Variants in GHR observed in about 807,000 individuals in gnomAD.
GHR encodes the protein growth hormone receptor.
A neutral mutation model predicts 67.1 loss-of-function variants in GHR; 35 were observed. That is an observed-to-expected ratio of 0.52 (90% CI 0.40 to 0.69). The LOEUF (loss-of-function observed/expected upper bound fraction) is 0.69. GHR is among the 30% of genes least tolerant of loss of function. GHR has a pLI of 0.00. For missense variants in GHR, 792 were observed against 764.6 expected (o/e 1.04, Z -0.42); for synonymous variants, 272 against 269.1 (o/e 1.01, Z -0.10).
At chr5:42,611,383 ATT>A (rs1561166666) in intron 2 of GHR, among the ~76,000 whole-genome samples, 2 of 152,146 alleles carry the variant, frequency 1.3e-5, no homozygotes, top group Non-Finnish European at 2.9e-5. Flanking sequence ...TTTATCCTGT[ATT>A]TCAATTCATT....
chr5:42,616,504 G>A (rs111860428), intron 2 of GHR, among the ~76,000 whole-genome samples: 5 of 152,126 alleles, frequency 3.3e-5, no homozygotes, highest in Middle Eastern at 3.4e-3. Flanking sequence ...GACATTGCTC[G>A]AGAGTTCTGT....
chr5:42,523,303 G>T (rs1747556197), intron 1 of GHR, among the ~76,000 whole-genome samples: 1 of 152,088 alleles, frequency 6.6e-6, no homozygotes, highest in African/African-American at 2.4e-5. Flanking sequence ...ATTGTGATTT[G>T]CTTTATTGTG....
intron 1 of GHR, among the ~76,000 whole-genome samples, chr5:42,428,616 T>C (rs1375044094): frequency 2.6e-5 from 4 of 152,220 alleles, no homozygotes; most frequent in Middle Eastern, 3.2e-3. Context: ...AATGCTTTGC[T>C]GCTTCTAAAT....
chr5:42,485,501 G>A (rs1445451911), intron 1 of GHR, among the ~76,000 whole-genome samples: 2 of 152,134 alleles, frequency 1.3e-5, no homozygotes, highest in African/African-American at 4.8e-5. Flanking sequence ...TTACAGATGA[G>A]AAAAATGAGC....
intron 1 of GHR, among the ~76,000 whole-genome samples, chr5:42,553,989 G>T (rs1476448226): frequency 6.6e-6 from 1 of 152,056 alleles, no homozygotes; most frequent in East Asian, 1.9e-4. Context: ...CTCTTCTTCT[G>T]CTCAGGTGGG....
intron 1 of GHR, among the ~76,000 whole-genome samples, chr5:42,534,390 ATATGTACATG>A (rs1332610838): frequency 2.1e-5 from 3 of 140,764 alleles, no homozygotes; most frequent in East Asian, 4.3e-4. Flanking sequence ...ATGTATGTAT[ATATGTACATG>A]TGTATATGTG....
chr5:42,509,925 A>G (rs1216737035), intron 1 of GHR, among the ~76,000 whole-genome samples: 1 of 152,170 alleles, frequency 6.6e-6, no homozygotes, highest in Non-Finnish European at 1.5e-5. Context: ...GCTTTAAACA[A>G]TGTCTGTACA....
intron 3 of GHR, among the ~76,000 whole-genome samples, chr5:42,634,302 T>C (rs1227703052): frequency 2.0e-5 from 3 of 152,196 alleles, no homozygotes; most frequent in Admixed American, 6.5e-5. Context: ...CCAATGTGTA[T>C]TAAATTGAAC....
At chr5:42,677,844 T>A (rs1396198064) in intron 3 of GHR, among the ~76,000 whole-genome samples, 2 of 152,210 alleles carry the variant, frequency 1.3e-5, no homozygotes, top group African/African-American at 4.8e-5. Flanking sequence ...GGATGTTTCA[T>A]CTAGTACCGA....
chr5:42,664,469 AC>A (rs1755841316), intron 3 of GHR, among the ~76,000 whole-genome samples: 1 of 152,206 alleles, frequency 6.6e-6, no homozygotes, highest in African/African-American at 2.4e-5. Flanking sequence ...TCTTTGACAA[AC>A]CTGAGAAAAA....
chr5:42,697,313 G>A (rs1757721004), intron 5 of GHR, among the ~76,000 whole-genome samples: 1 of 152,156 alleles, frequency 6.6e-6, no homozygotes, highest in Admixed American at 6.5e-5. Context: ...CTTCTCTCAG[G>A]CCAGTCAATG....
intron 3 of GHR, among the ~76,000 whole-genome samples, chr5:42,663,394 C>T (rs1312453884): frequency 2.6e-5 from 4 of 152,160 alleles, no homozygotes; most frequent in Non-Finnish European, 5.9e-5. Flanking sequence ...AGCTTATCCA[C>T]CATGATCAAG....
chr5:42,445,404 G>C (rs1743764881), intron 1 of GHR, among the ~76,000 whole-genome samples: 1 of 152,188 alleles, frequency 6.6e-6, no homozygotes, highest in South Asian at 2.1e-4. Context: ...CCACCATCAA[G>C]TCCTAAAGCA....
At chr5:42,480,880 C>T (rs1159571622) in intron 1 of GHR, among the ~76,000 whole-genome samples, 1 of 152,138 alleles carries the variant, frequency 6.6e-6, no homozygotes, top group Non-Finnish European at 1.5e-5. Context: ...GCATTTAGCC[C>T]ATTTACATTC....
intron 1 of GHR, among the ~76,000 whole-genome samples, chr5:42,523,837 G>T (rs1400215521): frequency 6.6e-6 from 1 of 152,088 alleles, no homozygotes; most frequent in African/African-American, 2.4e-5. Flanking sequence ...TCTTTCCCAT[G>T]CTATTCTCAT....
intron 3 of GHR, among the ~76,000 whole-genome samples, chr5:42,653,204 GACATGTTAA>G (rs1273321568): frequency 2.0e-5 from 3 of 152,120 alleles, no homozygotes; most frequent in Non-Finnish European, 4.4e-5. Flanking sequence ...TCCTGAATGA[GACATGTTAA>G]ACATTTATTA....
intron 3 of GHR, among the ~76,000 whole-genome samples, chr5:42,669,596 C>T (rs1054544604): frequency 3.9e-5 from 6 of 152,126 alleles, no homozygotes; most frequent in Non-Finnish European, 7.4e-5. Flanking sequence ...AGACACAAGG[C>T]TCTAGTGGTA....
chr5:42,614,301 AGG>A (rs1272830763), intron 2 of GHR, among the ~76,000 whole-genome samples: 7 of 152,062 alleles, frequency 4.6e-5, no homozygotes, highest in African/African-American at 1.4e-4. Flanking sequence ...GGTTTTTTTC[AGG>A]GTCCTTGAGA....
At chr5:42,708,535 T>G (rs77773572) in intron 6 of GHR, among the ~76,000 whole-genome samples, 6,458 of 152,284 alleles carry the variant, frequency 0.042, 192 homozygotes, top group African/African-American at 0.084. Flanking sequence ...TTTCTAATAC[T>G]GTAAATAGTG....
Sources: gnomAD v4.1 joint callset for allele counts (sites outside exome capture counted in the v4.1 genomes callset) on GRCh38, gnomAD v4.1.1 for gene constraint, MANE v1.5 for transcripts, NCBI Gene and HGNC (gene_info 2026-07-23, HGNC 2026-07-21) for gene names.